RAB38: variants seen among roughly 807,000 people sequenced by gnomAD.
RAB38 encodes RAB38, member RAS oncogene family, also known as ras-related protein Rab-38.
Under a neutral mutation model 18.4 loss-of-function variants are expected in RAB38, and 15 were observed. The ratio of observed to expected loss-of-function variants is 0.82; its 90% CI spans 0.55 to 1.26. RAB38 has a LOEUF of 1.26. RAB38 is among the 50% of genes most tolerant of loss of function. RAB38 has a pLI of 0.00. For synonymous variants in RAB38, 101 were observed against 104.4 expected (o/e 0.97, Z 0.20); for missense variants, 294 against 267.4 (o/e 1.10, Z -0.69).
chr11:87,845,798 A>G, the RAB38 span, among the ~76,000 whole-genome samples: 2 of 152,270 alleles, frequency 1.3e-5, no homozygotes, highest in South Asian at 2.1e-4. Flanking sequence ...AGAGAAAATG[A>G]CATATTACTT....
At chr11:87,973,353 C>T in the RAB38 span, among the ~76,000 whole-genome samples, 85 of 152,142 alleles carry the variant, frequency 5.6e-4, 1 homozygote, top group African/African-American at 2.0e-3. Flanking sequence ...CTGCATAAGA[C>T]TTGCCCACCT....
chr11:87,842,645 C>G, the RAB38 span, among the ~76,000 whole-genome samples: 2 of 152,076 alleles, frequency 1.3e-5, no homozygotes, highest in African/African-American at 2.4e-5. Flanking sequence ...CAAAAATTAA[C>G]TTGTTTGTTA....
chr11:87,922,140 T>C, the RAB38 span, among the ~76,000 whole-genome samples: 5 of 152,006 alleles, frequency 3.3e-5, no homozygotes, highest in African/African-American at 1.2e-4. Context: ...CAGAACACAA[T>C]AAACTCCACT....
intron 2 of RAB38, among the ~76,000 whole-genome samples, chr11:88,139,330 C>T (rs1202207401): frequency 1.3e-5 from 2 of 152,112 alleles, no homozygotes; most frequent in African/African-American, 4.8e-5. Context: ...TCCTTTGAGG[C>T]CTCTCTTATT....
chr11:88,148,276 A>G (rs1444351841), intron 2 of RAB38, among the ~76,000 whole-genome samples: 2 of 152,206 alleles, frequency 1.3e-5, no homozygotes, highest in South Asian at 4.1e-4. Flanking sequence ...TGGTTCAAAC[A>G]AAAGAACATC....
chr11:88,103,198 CTTAT>C, the RAB38 span, among the ~76,000 whole-genome samples: 6 of 151,756 alleles, frequency 4.0e-5, no homozygotes, highest in Non-Finnish European at 8.8e-5. Flanking sequence ...AAGTAGACAT[CTTAT>C]TTTTTATATT....
At chr11:87,942,612 T>A in the RAB38 span, among the ~76,000 whole-genome samples, 80 of 152,260 alleles carry the variant, frequency 5.3e-4, no homozygotes, top group African/African-American at 1.8e-3. Flanking sequence ...ACTTCCCTGC[T>A]GGTATGTGGA....
chr11:87,811,208 G>A, the RAB38 span, among the ~76,000 whole-genome samples: 92 of 152,218 alleles, frequency 6.0e-4, no homozygotes, highest in African/African-American at 2.1e-3. Context: ...CTAGTGGAGT[G>A]TCCCTGGAAG....
At chr11:88,155,049 C>G (rs1231476195) in intron 1 of RAB38, among the ~76,000 whole-genome samples, 2 of 152,216 alleles carry the variant, frequency 1.3e-5, no homozygotes, top group East Asian at 3.8e-4. Flanking sequence ...TAGGCGGCTA[C>G]TCTTCCCATG....
At chr11:88,135,905 A>G (rs1942829413) in intron 2 of RAB38, among the ~76,000 whole-genome samples, 1 of 152,232 alleles carries the variant, frequency 6.6e-6, no homozygotes, top group South Asian at 2.1e-4. Context: ...TCTTACAGCT[A>G]ACCAACAATT....
chr11:88,137,271 C>T (rs1942847750), intron 2 of RAB38, among the ~76,000 whole-genome samples: 1 of 151,972 alleles, frequency 6.6e-6, no homozygotes, highest in African/African-American at 2.4e-5. Context: ...TTTAAAGGGA[C>T]CATCAACATA....
chr11:88,161,973 T>C (rs532589232), intron 1 of RAB38, among the ~76,000 whole-genome samples: 1 of 152,138 alleles, frequency 6.6e-6, no homozygotes, highest in East Asian at 1.9e-4. Context: ...AAAGTAAATA[T>C]ATAATCAACA....
chr11:87,895,487 C>T, the RAB38 span, among the ~76,000 whole-genome samples: 1 of 151,670 alleles, frequency 6.6e-6, no homozygotes, highest in African/African-American at 2.4e-5. Flanking sequence ...TCATTTCAAG[C>T]ATGGGATGGG....
the RAB38 span, among the ~76,000 whole-genome samples, chr11:88,012,244 C>T: frequency 0.012 from 1,827 of 152,244 alleles, 40 homozygotes; most frequent in African/African-American, 0.042. Flanking sequence ...TCTCACTCTT[C>T]AATTGAAGCA....
chr11:87,920,071 G>T, the RAB38 span, among the ~76,000 whole-genome samples: 7 of 151,512 alleles, frequency 4.6e-5, no homozygotes, highest in Non-Finnish European at 1.0e-4. Flanking sequence ...TGTCAATTTT[G>T]CTTGTCTTTT....
the RAB38 span, among the ~76,000 whole-genome samples, chr11:87,848,863 A>T: frequency 9.3e-5 from 14 of 149,988 alleles, no homozygotes; most frequent in African/African-American, 3.5e-4. Flanking sequence ...TTGCATTATA[A>T]CATGTAATTA....
the RAB38 span, among the ~76,000 whole-genome samples, chr11:88,042,283 C>T: frequency 2.0e-5 from 3 of 152,272 alleles, no homozygotes; most frequent in East Asian, 3.9e-4. Flanking sequence ...TTTGCTAAAT[C>T]GGGCAGCCGG....
the RAB38 span, among the ~76,000 whole-genome samples, chr11:87,941,214 G>GAGATATATATATAT: frequency 4.3e-4 from 27 of 62,548 alleles, no homozygotes; most frequent in Non-Finnish European, 3.0e-4. Flanking sequence ...AAATATATGA[G>GAGATATATATATAT]ATATATATAT....
intron 1 of RAB38, among the ~76,000 whole-genome samples, chr11:88,172,629 T>C (rs1943323515): frequency 6.6e-6 from 1 of 152,180 alleles, no homozygotes; most frequent in South Asian, 2.1e-4. Flanking sequence ...GACGGAGAGA[T>C]GCATTCTTAT....
Sources: allele counts gnomAD v4.1 joint callset (sites outside exome capture counted in the v4.1 genomes callset), GRCh38; gene constraint gnomAD v4.1.1; transcripts MANE v1.5; gene names NCBI Gene and HGNC (gene_info 2026-07-23, HGNC 2026-07-21).